The following PRKN variants were observed in gnomAD, a reference collection of about 807,000 sequenced individuals.
PRKN encodes the protein E3 ubiquitin-protein ligase parkin.
In PRKN, 56 loss-of-function variants were observed where a neutral mutation model predicts 59.5. That is an observed-to-expected ratio of 0.94 (90% CI 0.76 to 1.18). PRKN has a LOEUF of 1.18. Among genes scored for constraint, PRKN ranks in the 50% most tolerant of loss-of-function variants. PRKN has a pLI of 0.00. For synonymous variants in PRKN, 250 were observed against 222.1 expected, an observed-to-expected ratio of 1.13 and a Z score of -1.12; for missense variants, 657 against 596.4, an observed-to-expected ratio of 1.10 and a Z score of -1.06.
intron 5 of PRKN, among the ~76,000 whole-genome samples, chr6:162,040,365 C>T (rs1466343217): frequency 1.3e-5 from 2 of 151,168 alleles, no homozygotes; most frequent in African/African-American, 4.9e-5. Context: ...AAACAAGTCA[C>T]TAAGTCTGAC....
intron 1 of PRKN, among the ~76,000 whole-genome samples, chr6:162,591,179 G>A (rs144750048): frequency 6.6e-6 from 1 of 152,120 alleles, no homozygotes; most frequent in Non-Finnish European, 1.5e-5. Context: ...AAGGGACAGA[G>A]GTAGGCAAAC....
At chr6:162,150,060 C>G (rs777199678) in intron 4 of PRKN, among the ~76,000 whole-genome samples, 3 of 152,102 alleles carry the variant, frequency 2.0e-5, no homozygotes, top group Non-Finnish European at 4.4e-5. Flanking sequence ...TTCCTGAATT[C>G]AGTAAAAAAG....
In PRKN at chr6:161,953,540, G is replaced by C. The variant is rs555444950; in HGVS notation, c.734+19762C>G. Among the ~76,000 whole-genome samples, 11 of 152,338 alleles carry C rather than the reference G, an allele frequency of 7.2e-5. No individual in the cohort carries two copies. The East Asian group carries it at 1.7e-3, about 24-fold the overall frequency. Reference sequence around the variant, plus strand: ...CAGGTTTACCGGGAAATCACACTCAGTGTCAGGGGAGCAGCTAGCCAGCAA... The same window carrying C: ...CAGGTTTACCGGGAAATCACACTCACTGTCAGGGGAGCAGCTAGCCAGCAA... On this transcript the variant is annotated intron_variant, in intron 6 of 11. Coordinates refer to ENST00000366898, the MANE Select transcript of PRKN (RefSeq NM_004562.3).
chr6:162,592,807 A>C (rs1218153219), intron 1 of PRKN, among the ~76,000 whole-genome samples: 2 of 141,206 alleles, frequency 1.4e-5, no homozygotes, highest in East Asian at 3.9e-4. Flanking sequence ...ATCAACATTA[A>C]TTTTAAAAAT....
At chr6:162,670,560 G>A (rs77656833) in intron 1 of PRKN, among the ~76,000 whole-genome samples, 1,754 of 152,252 alleles carry the variant, frequency 0.012, 11 homozygotes, top group Non-Finnish European at 0.02. Flanking sequence ...ATTGGCTTTC[G>A]TAGGGGACAA....
At chr6:161,740,747 CA>C in intron 7 of PRKN, among the ~76,000 whole-genome samples, 1 of 152,362 alleles carries the variant, frequency 6.6e-6, no homozygotes, top group Non-Finnish European at 1.5e-5. Flanking sequence ...CAGAGTCTCA[CA>C]TCAAGACCTT....
chr6:161,922,971 GACGTTATGTCCTGGTGCTGCC>G (rs1223931980), intron 6 of PRKN, among the ~76,000 whole-genome samples: 23 of 152,314 alleles, frequency 1.5e-4, no homozygotes, highest in African/African-American at 5.5e-4. Flanking sequence ...TCACTATGCT[GACGTTATGTCCTGGTGCTGCC>G]ACCTATGGAC....
In PRKN at chr6:161,385,137, C is replaced by T. The variant is rs1376413342; in HGVS notation, c.1167+1657G>A. 6.6e-6 allele frequency among the ~76,000 whole-genome samples: 1 copy of T among 152,106 alleles called. No individual in the cohort carries two copies. Among genetic ancestry groups the T allele is most frequent in the Non-Finnish European group, 1.5e-5 (1 of 68,018 alleles). ...TAGAGACGGGGTTTCACCATGTTGG[C>T]CAGGCTGATCTCAATCTCTTGACCT... On this transcript the variant is annotated intron_variant, in intron 10 of 11. Coordinates refer to ENST00000366898, the MANE Select transcript of PRKN (RefSeq NM_004562.3). The surrounding 1 kb of genome is among the most constrained non-coding windows in gnomAD (Gnocchi z 4.9).
chr6:162,563,331 C>A (rs889378583), intron 1 of PRKN, among the ~76,000 whole-genome samples: 65 of 139,204 alleles, frequency 4.7e-4, no homozygotes, highest in South Asian at 1.5e-3. Context: ...AAAAAAAAAA[C>A]AAAAAAAGAG....
At chr6:161,944,439 C>T (rs1396452788) in intron 6 of PRKN, among the ~76,000 whole-genome samples, 2 of 151,696 alleles carry the variant, frequency 1.3e-5, no homozygotes, top group Non-Finnish European at 2.9e-5. Flanking sequence ...GCCTTGTTGC[C>T]CCATCACCAT....
chr6:162,722,349 T>C (rs538317455), intron 1 of PRKN, among the ~76,000 whole-genome samples: 28 of 152,338 alleles, frequency 1.8e-4, no homozygotes, highest in Non-Finnish European at 4.0e-4. Flanking sequence ...ATTACTGTAA[T>C]TCCTTTTAAC....
intron 1 of PRKN, among the ~76,000 whole-genome samples, chr6:162,451,915 G>A (rs930980797): frequency 6.6e-6 from 1 of 152,072 alleles, no homozygotes; most frequent in African/African-American, 2.4e-5. Flanking sequence ...AAATATGAAC[G>A]TGCTTGTGTC....
chr6:161,590,360 G>A (rs368095894), intron 7 of PRKN, among the ~76,000 whole-genome samples: 377 of 152,202 alleles, frequency 2.5e-3, no homozygotes, highest in African/African-American at 8.4e-3. Flanking sequence ...CACTTTGGGA[G>A]GCCGAGGTGG....
At chr6:161,635,926 T>C (rs1249281256) in intron 7 of PRKN, among the ~76,000 whole-genome samples, 1 of 152,180 alleles carries the variant, frequency 6.6e-6, no homozygotes, top group Non-Finnish European at 1.5e-5. Context: ...GGGGAAGTGC[T>C]TGTAAGAGCC....
intron 3 of PRKN, among the ~76,000 whole-genome samples, chr6:162,234,981 A>T (rs1275395757): frequency 6.6e-6 from 1 of 152,222 alleles, no homozygotes; most frequent in Non-Finnish European, 1.5e-5. Flanking sequence ...AATAGTATTC[A>T]GAGATTCTCT....
chr6:162,307,433 A>G (rs565552826), intron 2 of PRKN, among the ~76,000 whole-genome samples: 2 of 151,798 alleles, frequency 1.3e-5, no homozygotes, highest in African/African-American at 4.8e-5. Context: ...AACTAGATAT[A>G]ACTAAGCAGC....
In PRKN at chr6:161,525,813, G is replaced by A. The variant is rs188986190; in HGVS notation, c.1083+23041C>T. Reference sequence around the variant, plus strand: ...CTAAAAATGTTCTGTATACTACTTGGCTATAGAATAGCCTACAGATATAAT... The same window carrying A: ...CTAAAAATGTTCTGTATACTACTTGACTATAGAATAGCCTACAGATATAAT... On this transcript the variant is annotated intron_variant, in intron 9 of 11. Coordinates refer to ENST00000366898, the MANE Select transcript of PRKN (RefSeq NM_004562.3). This position sits in a 1 kb window ranked among gnomAD's most constrained non-coding sequence, Gnocchi z 4.7. Among the ~76,000 whole-genome samples the A allele has an allele frequency of 1.3e-3, 194 of 152,062 alleles. No homozygotes were observed. The highest frequency in any genetic ancestry group is 2.3e-3 in the Non-Finnish European group (154 of 68,002).
chr6:161,548,680 T>C lies in PRKN; in HGVS notation c.1083+174A>G. On this transcript the variant is annotated intron_variant, in intron 9 of 11. Coordinates refer to ENST00000366898, the MANE Select transcript of PRKN (RefSeq NM_004562.3). This position sits in a 1 kb window ranked among gnomAD's most constrained non-coding sequence, Gnocchi z 4.2. ...GTTTTCACCAAAATAAATACATAAATTTTCAAATCTGGAGTCCTATAAAGG... is the reference window on the plus strand; with the variant it reads ...GTTTTCACCAAAATAAATACATAAACTTTCAAATCTGGAGTCCTATAAAGG... 1 of 646,098 alleles carries C rather than the reference T, an allele frequency of 1.5e-6. No homozygotes were observed. Among genetic ancestry groups the C allele is most frequent in the East Asian group, 2.8e-5 (1 of 36,028 alleles). 40.0% of individuals were successfully genotyped at this position (646,098 alleles called of 1,614,324 possible).
intron 7 of PRKN, among the ~76,000 whole-genome samples, chr6:161,782,769 C>T (rs1157552125): frequency 1.3e-5 from 2 of 152,070 alleles, no homozygotes; most frequent in Admixed American, 6.6e-5. Context: ...TGGCATGCAC[C>T]TGTAGTCCCA....
Sources: allele counts gnomAD v4.1 joint callset (sites outside exome capture counted in the v4.1 genomes callset), GRCh38; gene constraint gnomAD v4.1.1; non-coding constraint Gnocchi (gnomAD v3.1); transcripts MANE v1.5; gene names NCBI Gene and HGNC (gene_info 2026-07-23, HGNC 2026-07-21).